The following ANO3 variants were observed in gnomAD, a reference collection of about 807,000 sequenced individuals.
ANO3 encodes the protein anoctamin 3, also known as anoctamin-3.
In ANO3, 99 loss-of-function variants were observed where a neutral mutation model predicts 144.8. That is an observed-to-expected ratio of 0.68 (90% CI 0.58 to 0.81). The LOEUF (loss-of-function observed/expected upper bound fraction) is 0.81, where lower values mean the gene tolerates loss of function less well. Among genes scored for constraint, ANO3 ranks in the 30% least tolerant of loss-of-function variants. The pLI is 0.00. For synonymous variants in ANO3, 414 were observed against 392.6 expected, an observed-to-expected ratio of 1.05 and a Z score of -0.64; for missense variants, 905 against 1,202.2, an observed-to-expected ratio of 0.75 and a Z score of 3.66.
At chr11:26,496,843 A>G (rs200098906) in intron 4 of ANO3, among the ~76,000 whole-genome samples, 2 of 151,902 alleles carry the variant, frequency 1.3e-5, no homozygotes, top group East Asian at 3.9e-4. Flanking sequence ...TGTTGATGTA[A>G]AAGACTTGCT....
chr11:26,654,787 G>C (rs1054359479), intron 24 of ANO3, among the ~76,000 whole-genome samples: 1 of 152,180 alleles, frequency 6.6e-6, no homozygotes, highest in South Asian at 2.1e-4. Flanking sequence ...TTGGTTTGTT[G>C]AATAGAGTTT....
At chr11:26,198,851 T>G (rs867747488) in intron 1 of ANO3, among the ~76,000 whole-genome samples, 4 of 152,184 alleles carry the variant, frequency 2.6e-5, no homozygotes, top group South Asian at 2.1e-4. Flanking sequence ...CGTTTCTTAA[T>G]GTTTATGCCT....
chr11:26,242,322 T>G (rs1306138574), intron 1 of ANO3, among the ~76,000 whole-genome samples: 2 of 152,192 alleles, frequency 1.3e-5, no homozygotes, highest in Non-Finnish European at 2.9e-5. Context: ...GTTTCATTTA[T>G]ACTATTCCAT....
chr11:26,544,273 T>TATATATATATATACACAC, intron 11 of ANO3, among the ~76,000 whole-genome samples: 4 of 58,566 alleles, frequency 6.8e-5, no homozygotes, highest in Non-Finnish European at 1.1e-4. Flanking sequence ...TATATATATA[T>TATATATATATATACACAC]ACACACATAC....
intron 1 of ANO3, among the ~76,000 whole-genome samples, chr11:26,242,368 A>C (rs777011181): frequency 6.6e-6 from 1 of 152,220 alleles, no homozygotes; most frequent in Admixed American, 6.5e-5. Flanking sequence ...TGCCCTGTCC[A>C]TTTTAAGATA....
intron 1 of ANO3, among the ~76,000 whole-genome samples, chr11:26,423,544 A>G (rs77477789): frequency 0.012 from 1,829 of 152,014 alleles, 27 homozygotes; most frequent in African/African-American, 0.041. Flanking sequence ...TTCATTATTC[A>G]TATCAATTTT....
At position 26,529,175 on chromosome 11, in the gene ANO3, T is replaced by TA. The variant is rs1491446860; in HGVS notation, c.738-2030_738-2029insA. ...TATATATTATATATAATATATATTA[T>TA]TAATAATATATATTATATATAATTA... On this transcript the variant is annotated intron_variant, in intron 7 of 26. Coordinates refer to ENST00000256737, the MANE Select transcript of ANO3 (RefSeq NM_031418.4). Among the ~76,000 whole-genome samples the TA allele has an allele frequency of 5.5e-3, 8 of 1,462 alleles. 2 individuals carry two copies. Among genetic ancestry groups the TA allele is most frequent in the African/African-American group, 0.011 (8 of 752 alleles). The allele number at this position is 1,462 out of a possible 152,430, so 1.0% of individuals were successfully genotyped here.
intron 14 of ANO3, among the ~76,000 whole-genome samples, chr11:26,584,733 T>C (rs188832918): frequency 1.2e-4 from 18 of 152,332 alleles, no homozygotes; most frequent in African/African-American, 4.3e-4. Flanking sequence ...TGGGCCTTGT[T>C]TTCTTTAGAT....
chr11:26,530,914 C>A (rs532916509), intron 7 of ANO3, among the ~76,000 whole-genome samples: 1 of 151,786 alleles, frequency 6.6e-6, no homozygotes, highest in Admixed American at 6.6e-5. Flanking sequence ...CTCTTTCCTA[C>A]CACCATCTTT....
intron 1 of ANO3, among the ~76,000 whole-genome samples, chr11:26,295,515 C>CAAAAA (rs71047842): frequency 9.1e-5 from 6 of 66,102 alleles, no homozygotes; most frequent in African/African-American, 2.1e-4. Flanking sequence ...GACTCTGTCT[C>CAAAAA]AAAAAAAAAA....
chr11:26,412,271 A>T (rs1857453204), intron 1 of ANO3, among the ~76,000 whole-genome samples: 1 of 152,118 alleles, frequency 6.6e-6, no homozygotes, highest in Non-Finnish European at 1.5e-5. Context: ...AATAGATTTT[A>T]TGTGATCAGC....
At chr11:26,312,247 A>T (rs995403884) in intron 1 of ANO3, among the ~76,000 whole-genome samples, 1 of 152,178 alleles carries the variant, frequency 6.6e-6, no homozygotes, top group East Asian at 1.9e-4. Flanking sequence ...TCTATCATTG[A>T]TGGACATTTG....
chr11:26,456,809 A>T (rs1036445252), intron 3 of ANO3, among the ~76,000 whole-genome samples: 11 of 133,210 alleles, frequency 8.3e-5, no homozygotes, highest in Non-Finnish European at 1.6e-4. Flanking sequence ...ACAATAGCAA[A>T]GACTTGGAAC....
chr11:26,406,928 AT>A (rs1857292351), intron 1 of ANO3, among the ~76,000 whole-genome samples: 1 of 149,118 alleles, frequency 6.7e-6, no homozygotes, highest in African/African-American at 2.5e-5. Context: ...ACCTGTATAT[AT>A]ATAAATACAT....
At chr11:26,578,034 G>A (rs1341326252) in intron 14 of ANO3, among the ~76,000 whole-genome samples, 1 of 152,164 alleles carries the variant, frequency 6.6e-6, no homozygotes, top group Non-Finnish European at 1.5e-5. Flanking sequence ...TATGTCGTGG[G>A]AGCACATGAG....
At position 26,238,205 on chromosome 11, in the gene ANO3, C is replaced by A. The variant is rs941971735; in HGVS notation, c.154+48875C>A. 2.6e-5 allele frequency among the ~76,000 whole-genome samples: 4 copies of A among 152,230 alleles called. No individual in the cohort carries two copies. In the East Asian group the frequency reaches 7.7e-4, roughly 29 times the overall value. On this transcript the variant is annotated intron_variant, in intron 1 of 27. Transcript: ENST00000672621. ...TCAAGCCATATTAAACTAAATTAGA[C>A]CATTTTTCAACTTAGCCTATCAAAA... is the stretch of plus-strand genomic sequence containing the variant.
At chr11:26,593,442 G>C (rs776304297) in intron 14 of ANO3, among the ~76,000 whole-genome samples, 3 of 152,114 alleles carry the variant, frequency 2.0e-5, no homozygotes, top group Non-Finnish European at 4.4e-5. Flanking sequence ...GACAGATCTG[G>C]AGGACAGATG....
chr11:26,419,228 A>T (rs1451979039), intron 1 of ANO3, among the ~76,000 whole-genome samples: 1 of 152,128 alleles, frequency 6.6e-6, no homozygotes, highest in Non-Finnish European at 1.5e-5. Context: ...TATCATGAGA[A>T]CAGCACTAGG....
At chr11:26,211,054 A>T (rs979068729) in intron 1 of ANO3, among the ~76,000 whole-genome samples, 4 of 152,158 alleles carry the variant, frequency 2.6e-5, no homozygotes, top group Non-Finnish European at 5.9e-5. Flanking sequence ...TGGAATATAC[A>T]TTCTTCTCAG....
Sources: gnomAD v4.1 joint callset for allele counts (sites outside exome capture counted in the v4.1 genomes callset) on GRCh38, gnomAD v4.1.1 for gene constraint, MANE v1.5 for transcripts, NCBI Gene and HGNC (gene_info 2026-07-23, HGNC 2026-07-21) for gene names.